The following CHL1 variants were observed in gnomAD, a reference collection of about 807,000 sequenced individuals.
The protein encoded by CHL1 is neural cell adhesion molecule L1-like protein.
A neutral mutation model predicts 141.9 loss-of-function variants in CHL1; 96 were observed. The observed-to-expected ratio is 0.68, with a 90% CI of 0.57 to 0.80. CHL1 has a LOEUF of 0.80. Among genes scored for constraint, CHL1 ranks in the 30% least tolerant of loss-of-function variants. The probability of loss-of-function intolerance (pLI) is 0.00; values close to 1 mark genes in which losing one functional copy is unlikely to be tolerated. For synonymous variants in CHL1, 613 were observed against 502.2 expected, an observed-to-expected ratio of 1.22 and a Z score of -2.95; for missense variants, 1,820 against 1,457.2, an observed-to-expected ratio of 1.25 and a Z score of -4.05.
At chr3:290,742 A>C (rs1209213373) in intron 2 of CHL1, among the ~76,000 whole-genome samples, 1 of 152,132 alleles carries the variant, frequency 6.6e-6, no homozygotes, top group East Asian at 1.9e-4. Context: ...GATGGCAATA[A>C]GGTGATTGGA....
At chr3:228,588 A>G (rs1168045509) in intron 1 of CHL1, among the ~76,000 whole-genome samples, 2 of 152,152 alleles carry the variant, frequency 1.3e-5, no homozygotes, top group African/African-American at 2.4e-5. Context: ...GCAGACTAGA[A>G]CTAACATAAA....
intron 1 of CHL1, among the ~76,000 whole-genome samples, chr3:229,116 C>T (rs1436966386): frequency 6.6e-6 from 1 of 152,124 alleles, no homozygotes; most frequent in Non-Finnish European, 1.5e-5. Context: ...TTTGCATTAG[C>T]CCCATGTGTT....
At chr3:276,639 C>T (rs1411093866) in intron 2 of CHL1, among the ~76,000 whole-genome samples, 8 of 151,676 alleles carry the variant, frequency 5.3e-5, no homozygotes, top group Non-Finnish European at 8.8e-5. Context: ...CCTGTAATCC[C>T]AGCACTTTGG....
intron 4 of CHL1, among the ~76,000 whole-genome samples, chr3:327,540 C>T (rs1701110228): frequency 6.6e-6 from 1 of 151,234 alleles, no homozygotes; most frequent in Admixed American, 6.6e-5. Context: ...TGGACAAGTA[C>T]CAAAGAATAA....
intron 3 of CHL1, among the ~76,000 whole-genome samples, chr3:321,378 A>G (rs147814648): frequency 2.0e-5 from 3 of 152,190 alleles, no homozygotes; most frequent in East Asian, 1.9e-4. Flanking sequence ...AGATTTCTTC[A>G]CTGACCAGCC....
At chr3:337,295 A>G (rs777377802) in intron 5 of CHL1, among the ~76,000 whole-genome samples, 1 of 142,876 alleles carries the variant, frequency 7.0e-6, no homozygotes, top group Non-Finnish European at 1.5e-5. Context: ...GGTTCCCGCC[A>G]TTCTCCTGCC....
At chr3:259,288 T>C (rs1387734848) in intron 2 of CHL1, among the ~76,000 whole-genome samples, 1 of 151,370 alleles carries the variant, frequency 6.6e-6, no homozygotes, top group African/African-American at 2.4e-5. Flanking sequence ...GTGTGTGTGC[T>C]TGTGTGTGTG....
chr3:316,877 T>G (rs970387681), intron 2 of CHL1, among the ~76,000 whole-genome samples: 5 of 152,090 alleles, frequency 3.3e-5, no homozygotes, highest in African/African-American at 4.8e-5. Context: ...CATGAGGCAT[T>G]AAATGCCATT....
At chr3:209,765 A>G (rs112359985) in intron 1 of CHL1, among the ~76,000 whole-genome samples, 3 of 152,178 alleles carry the variant, frequency 2.0e-5, no homozygotes, top group Admixed American at 2.0e-4. Context: ...CCTGTGTCCA[A>G]GTGTTCTCAT....
intron 15 of CHL1, among the ~76,000 whole-genome samples, chr3:376,576 T>A (rs541268891): frequency 6.6e-6 from 1 of 152,338 alleles, no homozygotes; most frequent in South Asian, 2.1e-4. Context: ...TTCTCTGGCC[T>A]GAAACACCCC....
At chr3:386,832 A>G (rs1438306899) in intron 19 of CHL1, among the ~76,000 whole-genome samples, 1 of 152,214 alleles carries the variant, frequency 6.6e-6, no homozygotes, top group Non-Finnish European at 1.5e-5. Flanking sequence ...ATTGTATAAC[A>G]TAATGACTAT....
chr3:199,450 G>A (rs564432743), intron 1 of CHL1, among the ~76,000 whole-genome samples: 1 of 152,268 alleles, frequency 6.6e-6, no homozygotes, highest in East Asian at 1.9e-4. Context: ...GATTCCTCAT[G>A]GTTATATAGG....
chr3:251,007 ATAAAGGCAGATATGT>A (rs1254999772), intron 2 of CHL1, among the ~76,000 whole-genome samples: 58 of 152,178 alleles, frequency 3.8e-4, no homozygotes, highest in Non-Finnish European at 6.8e-4. Flanking sequence ...TTATAATCTT[ATAAAGGCAGATATGT>A]TATTCAAGTT....
intron 2 of CHL1, among the ~76,000 whole-genome samples, chr3:318,831 C>A (rs543620393): frequency 1.8e-4 from 27 of 151,242 alleles, no homozygotes; most frequent in Non-Finnish European, 3.5e-4. Flanking sequence ...TATTTGTGAT[C>A]CTTAATAATG....
chr3:299,942 C>T (rs1279752365), intron 2 of CHL1, among the ~76,000 whole-genome samples: 1 of 152,190 alleles, frequency 6.6e-6, no homozygotes, highest in Non-Finnish European at 1.5e-5. Flanking sequence ...CCTGGCACCT[C>T]TTCAACAGGA....
At chr3:301,783 G>A (rs1698760725) in intron 2 of CHL1, among the ~76,000 whole-genome samples, 1 of 152,112 alleles carries the variant, frequency 6.6e-6, no homozygotes, top group African/African-American at 2.4e-5. Flanking sequence ...TAAGTTCTGG[G>A]TTACATGTAC....
intron 19 of CHL1, chr3:384,370 C>T (rs1211956610): frequency 1.3e-5 from 2 of 152,252 alleles, no homozygotes; most frequent in Non-Finnish European, 2.9e-5. Flanking sequence ...ACGCCTTATT[C>T]TAGATCTGGA....
intron 5 of CHL1, among the ~76,000 whole-genome samples, chr3:337,267 T>C (rs1333795586): frequency 2.1e-4 from 30 of 146,248 alleles, no homozygotes; most frequent in Admixed American, 1.2e-3. Flanking sequence ...CTCTGCTCAC[T>C]GCAAGCTCCG....
At chr3:271,659 G>A (rs568613482) in intron 2 of CHL1, among the ~76,000 whole-genome samples, 2 of 152,182 alleles carry the variant, frequency 1.3e-5, no homozygotes, top group Non-Finnish European at 2.9e-5. Flanking sequence ...AAGCCAGCGC[G>A]CAGAGCAGAG....
Sources: gnomAD v4.1 joint callset for allele counts (sites outside exome capture counted in the v4.1 genomes callset) on GRCh38, gnomAD v4.1.1 for gene constraint, MANE v1.5 for transcripts, NCBI Gene and HGNC (gene_info 2026-07-23, HGNC 2026-07-21) for gene names.